Variants in EDA observed in about 807,000 individuals in gnomAD.
EDA encodes ectodysplasin-A.
A neutral mutation model predicts 23.6 loss-of-function variants in EDA; 2 were observed. The observed-to-expected ratio is 0.08, with a 90% confidence interval of 0.03 to 0.27. The LOEUF is 0.27. Ranked by LOEUF, EDA falls within the 10% of genes least tolerant of loss-of-function variation. EDA has a pLI of 1.00. For missense variants in EDA, 229 were observed against 324.2 expected, an observed-to-expected ratio of 0.71 and a Z score of 2.26; for synonymous variants, 131 against 132.0, an observed-to-expected ratio of 0.99 and a Z score of 0.05.
chrX:69,970,823 A>G (rs1221038900), intron 2 of EDA, among the ~76,000 whole-genome samples: 1 of 111,652 alleles, frequency 9.0e-6, no homozygotes, highest in Non-Finnish European at 1.9e-5. Context: ...TTTCTGTGGA[A>G]CTCCTTATAT....
intron 1 of EDA, among the ~76,000 whole-genome samples, chrX:69,819,463 A>G (rs749947901): frequency 8.9e-6 from 1 of 112,274 alleles, no homozygotes; most frequent in South Asian, 3.7e-4. Context: ...ACATGATCCT[A>G]TATCTAGAAA....
chrX:69,691,645 A>T (rs1667703805), intron 1 of EDA, among the ~76,000 whole-genome samples: 1 of 111,500 alleles, frequency 9.0e-6, no homozygotes, highest in Non-Finnish European at 1.9e-5. Flanking sequence ...TTCTCATCTC[A>T]GTAGTAATTT....
intron 6 of EDA, 138 bp downstream of exon 6, chrX:70,030,658 A>T: frequency 1.7e-6 from 1 of 588,616 alleles, no homozygotes; most frequent in East Asian, 3.6e-5. Flanking sequence ...TTGCTCCATC[A>T]TGCCCTCTAC....
intron 1 of EDA, among the ~76,000 whole-genome samples, chrX:69,903,892 C>G (rs1157696658): frequency 9.1e-6 from 1 of 110,428 alleles, no homozygotes; most frequent in African/African-American, 3.3e-5. Context: ...GTCACTGCAA[C>G]CTTTGCCTCC....
At chrX:69,748,796 T>C (rs1470052747) in intron 1 of EDA, among the ~76,000 whole-genome samples, 1 of 111,644 alleles carries the variant, frequency 9.0e-6, no homozygotes, top group Non-Finnish European at 1.9e-5. Context: ...CCTCATAAGG[T>C]TGTTTTGATG....
chrX:69,652,789 A>T (rs1253728708), intron 1 of EDA, among the ~76,000 whole-genome samples: 1 of 112,128 alleles, frequency 8.9e-6, no homozygotes, highest in Non-Finnish European at 1.9e-5. Flanking sequence ...GTTAGAGAAT[A>T]TTATATTGCT....
chrX:69,644,517 G>A (rs932750365), intron 1 of EDA, among the ~76,000 whole-genome samples: 14 of 111,349 alleles, frequency 1.3e-4, no homozygotes, highest in African/African-American at 4.6e-4. Context: ...CTTTTGGGCC[G>A]AGATGATGGG....
intron 1 of EDA, among the ~76,000 whole-genome samples, chrX:69,901,015 A>G (rs183356155): frequency 2.1e-4 from 23 of 111,425 alleles, no homozygotes; most frequent in East Asian, 8.5e-4. Context: ...TTCCAATATT[A>G]TATTAGAAGT....
Position 69,784,319 on chromosome X carries a change from T to G in EDA, c.396+167615T>G, listed in dbSNP as rs11094126. On this transcript the variant is annotated intron_variant, in intron 1 of 7. Transcript: ENST00000374552. ...AATTAGATCCCATTTGTCAATTTTG[T>G]CTTTTGTTGCCATTGCTTTTGGAGT... is the stretch of plus-strand genomic sequence containing the variant. 2.3e-3 allele frequency among the ~76,000 whole-genome samples: 233 copies of G among 101,896 alleles called. 1 individual carries two copies. The highest frequency in any genetic ancestry group is 5.1e-3 in the Middle Eastern group (1 of 196). The allele number at this position is 101,896 out of a possible 115,157, so 88.5% of individuals were successfully genotyped here. A position where few individuals can be genotyped will look rare whatever the true frequency, so the allele number is the denominator to read the frequency against.
Position 69,940,526 on chromosome X carries a change from TAA to T in EDA, c.397-16495_397-16494del, listed in dbSNP as rs758866428. On this transcript the variant is annotated intron_variant, in intron 1 of 7. Coordinates refer to ENST00000374552, the MANE Select transcript of EDA (RefSeq NM_001399.5). Reference sequence around the variant, plus strand: ...GTTTGTTGATTTTTTTATCTTTTGATAAAAAAACTTTTCATTTTATTGATCTT... The same window carrying T: ...GTTTGTTGATTTTTTTATCTTTTGATAAAAACTTTTCATTTTATTGATCTT... 1.2e-4 allele frequency among the ~76,000 whole-genome samples: 13 copies of T among 111,277 alleles called. No individual in the cohort carries two copies. In the South Asian group the frequency reaches 4.1e-3, roughly 35 times the overall value.
intron 1 of EDA, among the ~76,000 whole-genome samples, chrX:69,828,586 C>T (rs1391983247): frequency 3.6e-5 from 4 of 111,920 alleles, no homozygotes; most frequent in South Asian, 3.7e-4. Flanking sequence ...CACCCACTGA[C>T]CTGTGCCCAG....
chrX:69,980,354 G>T (rs1329513544), intron 2 of EDA, among the ~76,000 whole-genome samples: 1 of 111,790 alleles, frequency 8.9e-6, no homozygotes, highest in African/African-American at 3.2e-5. Flanking sequence ...ATAACAGACT[G>T]CATTTTGCCT....
intron 1 of EDA, among the ~76,000 whole-genome samples, chrX:69,685,868 A>G (rs1934524590): frequency 8.8e-6 from 1 of 113,054 alleles, no homozygotes; most frequent in Non-Finnish European, 1.9e-5. Context: ...CTCAACAAAT[A>G]GCATTTAGAA....
rs907903517 is a variant in EDA, at chrX:69,861,310, G to T, written c.397-95717G>T. 2.7e-5 allele frequency: 4 copies of T among 147,692 alleles called. No individual in the cohort carries two copies. In the South Asian group the frequency reaches 6.8e-4, roughly 25 times the overall value. The allele number at this position is 147,692 out of a possible 1,213,427, so 12.2% of individuals were successfully genotyped here. A position where few individuals can be genotyped will look rare whatever the true frequency, so the allele number is the denominator to read the frequency against. On this transcript the variant is annotated intron_variant, in intron 1 of 7. Coordinates refer to ENST00000374552, the MANE Select transcript of EDA (RefSeq NM_001399.5). ...GACAATAACATGATACAAACCAGCA[G>T]GGGATGATCCAAGTTCAGGAAAAGA...
chrX:69,704,664 T>C (rs1178807602), intron 1 of EDA, among the ~76,000 whole-genome samples: 2 of 110,879 alleles, frequency 1.8e-5, no homozygotes, highest in African/African-American at 6.6e-5. Flanking sequence ...CTCCCAAGGA[T>C]AAGGTGGGGA....
At chrX:69,849,550 A>G (rs771705398) in intron 1 of EDA, among the ~76,000 whole-genome samples, 6 of 111,793 alleles carry the variant, frequency 5.4e-5, no homozygotes, top group South Asian at 3.7e-4. Flanking sequence ...CAACTCCTCT[A>G]TAAAACTTAC....
chrX:69,802,654 G>T (rs1252324193), intron 1 of EDA, among the ~76,000 whole-genome samples: 1 of 110,683 alleles, frequency 9.0e-6, no homozygotes, highest in Non-Finnish European at 1.9e-5. Flanking sequence ...ATGTCCTTAG[G>T]CAAGTCACTT....
At chrX:69,736,493 C>T (rs2064816193) in intron 1 of EDA, among the ~76,000 whole-genome samples, 1 of 109,080 alleles carries the variant, frequency 9.2e-6, no homozygotes, top group Admixed American at 9.8e-5. Flanking sequence ...CCATGCCTGG[C>T]TAATTCTGTA....
intron 1 of EDA, among the ~76,000 whole-genome samples, chrX:69,649,972 C>T (rs1264359335): frequency 8.9e-6 from 1 of 111,867 alleles, no homozygotes; most frequent in Non-Finnish European, 1.9e-5. Flanking sequence ...CTGTGGCTGC[C>T]ACATCTTTAT....
Sources: gnomAD v4.1 joint callset for allele counts (sites outside exome capture counted in the v4.1 genomes callset) on GRCh38, gnomAD v4.1.1 for gene constraint, MANE v1.5 for transcripts, NCBI Gene and HGNC (gene_info 2026-07-23, HGNC 2026-07-21) for gene names.